Variants in CC2D2A observed in about 807,000 individuals in gnomAD.
CC2D2A encodes coiled-coil and C2 domain containing 2A, also known as coiled-coil and C2 domain-containing protein 2A.
A neutral mutation model predicts 212.9 loss-of-function variants in CC2D2A; 155 were observed. The ratio of observed to expected loss-of-function variants is 0.73; its 90% CI spans 0.64 to 0.83. The LOEUF is 0.83. Ranked by LOEUF, CC2D2A falls within the 40% of genes least tolerant of loss-of-function variation. The pLI is 0.00. For synonymous variants in CC2D2A, 667 were observed against 686.5 expected, an observed-to-expected ratio of 0.97 and a Z score of 0.44; for missense variants, 1,856 against 1,956.2, an observed-to-expected ratio of 0.95 and a Z score of 0.97.
At position 15,563,346 on chromosome 4, in the gene CC2D2A, A is replaced by C. The variant is rs1010285962; in HGVS notation, c.3015-9A>C. ...TCTTAGAGTCCTGATCCTGTTCTGTAATCATTAGCATTTTGGGCCTAAGCC... is the reference window on the plus strand; with the variant it reads ...TCTTAGAGTCCTGATCCTGTTCTGTCATCATTAGCATTTTGGGCCTAAGCC... On this transcript the variant is annotated splice_polypyrimidine_tract_variant and intron_variant, in intron 23 of 36. Transcript: ENST00000424120. 3 of 1,593,010 alleles carry C rather than the reference A, an allele frequency of 1.9e-6. No individual in the cohort carries two copies. Among genetic ancestry groups the C allele is most frequent in the Non-Finnish European group, 2.6e-6 (3 of 1,169,248 alleles).
At chr4:15,576,832 T>C (rs1441015639) in intron 29 of CC2D2A, among the ~76,000 whole-genome samples, 1 of 152,246 alleles carries the variant, frequency 6.6e-6, no homozygotes, top group African/African-American at 2.4e-5. Flanking sequence ...GACTGTTAGT[T>C]AGCTTTGAAT....
Position 15,515,987 on chromosome 4 carries a change from T to C in CC2D2A, c.1000T>C (p.Leu334=), listed in dbSNP as rs780534369. 5.8e-5 allele frequency: 93 copies of C among 1,591,736 alleles called. No homozygotes were observed. Among genetic ancestry groups the C allele is most frequent in the Non-Finnish European group, 7.6e-5 (89 of 1,168,892 alleles). ...RTNQNIMENR[L]LMQDPERRWF... Reference sequence around the variant, plus strand: ...CAATCAGAACATCATGGAGAACAGATTGCTGATGCAGGACCCCGTAAGTGT... The same window carrying C: ...CAATCAGAACATCATGGAGAACAGACTGCTGATGCAGGACCCCGTAAGTGT... The change falls in exon 10 of 37, where the codon TTG becomes CTG. Residue 334 remains leucine, a synonymous_variant. Transcript: ENST00000424120.
rs760099299 is a variant in CC2D2A at position 15,514,834 on chromosome 4, A to C, written c.845A>C (p.Glu282Ala). 43 of 1,613,826 alleles carry C rather than the reference A, an allele frequency of 2.7e-5. No individual in the cohort carries two copies. Among genetic ancestry groups the C allele is most frequent in the African/African-American group, 8.0e-5 (6 of 74,944 alleles). The change falls in exon 9 of 37, where the codon GAA becomes GCA. Residue 282 changes from glutamate to alanine, a missense_variant. Transcript: ENST00000424120. ...YESIHDRLQMEREMLFIPSRQ... is the reference protein window; with the variant it reads ...YESIHDRLQMAREMLFIPSRQ... ...AGCATCCATGATCGGCTGCAGATGG[A>C]AAGAGAAATGCTCTTCATACCCAGT...
At chr4:15,514,988 A>G in intron 9 of CC2D2A, 119 bp downstream of exon 9, 1 of 838,656 alleles carries the variant, frequency 1.2e-6, no homozygotes. Flanking sequence ...CTAATCTAAC[A>G]ATCAAGAAAT....
At position 15,580,154 on chromosome 4, in the gene CC2D2A, A is replaced by C; in HGVS notation, c.3958A>C (p.Asn1320His). 4.3e-6 allele frequency: 7 copies of C among 1,613,532 alleles called. No homozygotes were observed. Among genetic ancestry groups the C allele is most frequent in the Non-Finnish European group, 5.9e-6 (7 of 1,179,516 alleles). The change falls in exon 30 of 37, where the codon AAT (asparagine) becomes CAT (histidine). Residue 1320 changes from asparagine to histidine, a missense_variant. Asn to His is a moderately conservative substitution (Grantham distance 68). Transcript: ENST00000424120. Reference sequence around the variant, plus strand: ...GGAGCTCCTTAATGTCTACCCCAATAATCTACAGGCAACTGCAGTAAGTAT... The same window carrying C: ...GGAGCTCCTTAATGTCTACCCCAATCATCTACAGGCAACTGCAGTAAGTAT... ...PQELLNVYPN[N>H]LQATAELVAR...
intron 30 of CC2D2A, among the ~76,000 whole-genome samples, chr4:15,583,462 T>C (rs1042153695): frequency 2.0e-5 from 3 of 152,118 alleles, no homozygotes; most frequent in Non-Finnish European, 4.4e-5. Context: ...AAGAAACTGT[T>C]AGAACTAATA....
Position 15,547,340 on chromosome 4 carries a change from T to C in CC2D2A, c.2182-3484T>C, listed in dbSNP as rs138521818. Reference sequence around the variant, plus strand: ...TTTTAAATCTTCTCTTCTAGCTATTTTGAAATATACAGTAAGTTATTGTTA... The same window carrying C: ...TTTTAAATCTTCTCTTCTAGCTATTCTGAAATATACAGTAAGTTATTGTTA... On this transcript the variant is annotated intron_variant, in intron 17 of 36. Transcript: ENST00000424120. 2.9e-3 allele frequency among the ~76,000 whole-genome samples: 441 copies of C among 152,350 alleles called. 7 individuals are homozygous for C. The highest frequency in any genetic ancestry group is 0.01 in the African/African-American group (428 of 41,592).
chr4:15,490,258 T>C (rs1233405673), intron 4 of CC2D2A, among the ~76,000 whole-genome samples: 1 of 152,230 alleles, frequency 6.6e-6, no homozygotes, highest in East Asian at 1.9e-4. Context: ...TTTTAGAACA[T>C]TTTTATCACC....
chr4:15,558,149 C>CT (rs548783653), intron 21 of CC2D2A, among the ~76,000 whole-genome samples: 2 of 151,656 alleles, frequency 1.3e-5, no homozygotes, highest in Non-Finnish European at 2.9e-5. Flanking sequence ...GATGCATGCA[C>CT]TTTTTTTTTC....
intron 6 of CC2D2A, among the ~76,000 whole-genome samples, chr4:15,506,077 GATGGAT>G (rs1716239361): frequency 6.6e-6 from 1 of 152,196 alleles, no homozygotes; most frequent in Non-Finnish European, 1.5e-5. Context: ...AGAATTTCTA[GATGGAT>G]ATGTGCACAT....
At position 15,575,844 on chromosome 4, in the gene CC2D2A, CTATGTA is replaced by C. The variant is rs147315716; in HGVS notation, c.3771+1525_3771+1530del. On this transcript the variant is annotated intron_variant, in intron 29 of 36. Coordinates refer to ENST00000424120, the MANE Select transcript of CC2D2A (RefSeq NM_001378615.1). ...CAGACAAAAGATGATTTTGCTGTTT[CTATGTA>C]TATGTAACAGAAGAACAGGCAGTCA... Among the ~76,000 whole-genome samples the C allele has an allele frequency of 3.1e-3, 479 of 152,312 alleles. 2 individuals carry two copies. Among genetic ancestry groups the C allele is most frequent in the African/African-American group, 0.011 (460 of 41,562 alleles).
intron 24 of CC2D2A, among the ~76,000 whole-genome samples, chr4:15,565,457 G>A (rs1719840578): frequency 6.8e-6 from 1 of 148,046 alleles, no homozygotes; most frequent in Admixed American, 6.8e-5. Context: ...CATCCCTCTA[G>A]TCTAATACCT....
intron 14 of CC2D2A, chr4:15,533,589 T>G (rs953160771): frequency 3.2e-6 from 1 of 313,690 alleles, no homozygotes; most frequent in Non-Finnish European, 5.9e-6. Context: ...GTGCAATCTC[T>G]AAGAATATAT....
chr4:15,493,910 A>G (rs1207540140), intron 4 of CC2D2A, among the ~76,000 whole-genome samples: 2 of 152,326 alleles, frequency 1.3e-5, no homozygotes, highest in African/African-American at 4.8e-5. Flanking sequence ...ACTGCCCCCA[A>G]AAAAGAATTC....
chr4:15,516,004 C>T lies in CC2D2A; in HGVS notation c.1017C>T (p.Pro339=), dbSNP rs777522814. 1.6e-5 allele frequency: 26 copies of T among 1,589,778 alleles called. No homozygotes were observed. The highest frequency in any genetic ancestry group is 4.6e-5 in the East Asian group (2 of 43,940). Residue 339 remains proline, a splice_region_variant and synonymous_variant, in exon 10 of 37, where the codon CCC becomes CCT. Coordinates refer to ENST00000424120, the MANE Select transcript of CC2D2A (RefSeq NM_001378615.1). ...IMENRLLMQD[P]ERRWFGDDGR... Reference sequence around the variant, plus strand: ...AGAACAGATTGCTGATGCAGGACCCCGTAAGTGTGCACCCTCTGCTCTCAG... The same window carrying T: ...AGAACAGATTGCTGATGCAGGACCCTGTAAGTGTGCACCCTCTGCTCTCAG...
intron 20 of CC2D2A, among the ~76,000 whole-genome samples, chr4:15,555,750 C>G (rs1465874908): frequency 1.3e-5 from 2 of 152,130 alleles, no homozygotes; most frequent in East Asian, 3.9e-4. Flanking sequence ...AACAAACAAA[C>G]AAACAAAACC....
rs368029942 is a variant in CC2D2A, at chr4:15,476,029, C to T, written c.39+58C>T. ...TGTTTGTGTGTGCATGCTTATGTTACACGTGTTTGTGAATGAGGAAGTTAG... is the reference window on the plus strand; with the variant it reads ...TGTTTGTGTGTGCATGCTTATGTTATACGTGTTTGTGAATGAGGAAGTTAG... On this transcript the variant is annotated intron_variant, in intron 2 of 36. Transcript: ENST00000424120. 2.9e-5 allele frequency: 43 copies of T among 1,474,600 alleles called. 1 individual carries two copies. In the Middle Eastern group the frequency reaches 5.2e-4, roughly 18 times the overall value. 91.3% of individuals were successfully genotyped at this position (1,474,600 alleles called of 1,614,324 possible).
chr4:15,516,538 G>A, intron 10 of CC2D2A, 87 bp from the exon 11 acceptor site: 2 of 1,324,816 alleles, frequency 1.5e-6, no homozygotes, highest in African/African-American at 2.9e-5. Flanking sequence ...TGTTGACACA[G>A]AATTTTCAAG....
chr4:15,472,828 T>G (rs1166748003), intron 1 of CC2D2A, among the ~76,000 whole-genome samples: 1 of 152,204 alleles, frequency 6.6e-6, no homozygotes, highest in Non-Finnish European at 1.5e-5. Context: ...TGATGAGGTT[T>G]GTAGAGAAGA....
Sources: gnomAD v4.1 joint callset for allele counts (sites outside exome capture counted in the v4.1 genomes callset) on GRCh38, gnomAD v4.1.1 for gene constraint, MANE v1.5 for transcripts, NCBI Gene and HGNC (gene_info 2026-07-23, HGNC 2026-07-21) for gene names.